PWWP2A: variants seen among roughly 807,000 people sequenced by gnomAD.
PWWP2A encodes PWWP domain containing 2A, also known as PWWP domain-containing protein 2A.
A neutral mutation model predicts 48.5 loss-of-function variants in PWWP2A; 18 were observed. The observed-to-expected ratio is 0.37, with a 90% CI of 0.26 to 0.55. The LOEUF (loss-of-function observed/expected upper bound fraction) is 0.55, where lower values mean the gene tolerates loss of function less well. Among genes scored for constraint, PWWP2A ranks in the 20% least tolerant of loss-of-function variants. The probability of loss-of-function intolerance (pLI) is 0.81; values close to 1 mark genes in which losing one functional copy is unlikely to be tolerated. For missense variants in PWWP2A, 867 were observed against 976.4 expected (o/e 0.89, Z 1.49); for synonymous variants, 396 against 387.7 (o/e 1.02, Z -0.25).
Position 160,082,034 on chromosome 5 carries a change from T to C in PWWP2A, c.1550-1264A>G, listed in dbSNP as rs1343464895. Among the ~76,000 whole-genome samples the C allele has an allele frequency of 2.6e-5, 4 of 152,324 alleles. No individual in the cohort carries two copies. The East Asian group carries it at 7.7e-4, about 29-fold the overall frequency. On this transcript the variant is annotated intron_variant, in intron 2 of 3. Transcript: ENST00000456329. ...TGAATTTTAACTTGGGAAAATAATT[T>C]TTTAGGGTGAGATTTAATAATGAGG... is the stretch of plus-strand genomic sequence containing the variant.
chr5:160,056,544 C>A, the PWWP2A span, among the ~76,000 whole-genome samples: 1 of 152,056 alleles, frequency 6.6e-6, no homozygotes, highest in East Asian at 1.9e-4. Context: ...GGCAGCATAG[C>A]AAGACCCTGT....
intron 5 of PWWP2A, among the ~76,000 whole-genome samples, chr5:160,062,948 A>ATGTGCCCGAGGCTGTGCCGCTGCCT (rs1753469669): frequency 1.3e-5 from 2 of 151,924 alleles, no homozygotes; most frequent in African/African-American, 4.8e-5. Context: ...CTCTACGCCC[A>ATGTGCCCGAGGCTGTGCCGCTGCCT]TGTGCCCGAG....
chr5:160,112,535 T>C (rs539260760), intron 1 of PWWP2A, among the ~76,000 whole-genome samples: 4 of 152,180 alleles, frequency 2.6e-5, no homozygotes, highest in African/African-American at 9.6e-5. Context: ...CATCCAGTGT[T>C]AAGTAAATAC....
At chr5:160,059,485 G>C (rs1008512700), downstream of PWWP2A, among the ~76,000 whole-genome samples, 1 of 152,190 alleles carries the variant, frequency 6.6e-6, no homozygotes, top group African/African-American at 2.4e-5. Context: ...AAGCAATAAG[G>C]CTGTTTTGCT....
chr5:160,063,441 C>G (rs924819382), intron 5 of PWWP2A: 1 of 152,832 alleles, frequency 6.5e-6, no homozygotes, highest in Non-Finnish European at 1.5e-5. Flanking sequence ...TCTCAAACTC[C>G]TAGGCTCACA....
At chr5:160,080,854 A>T in intron 2 of PWWP2A, 1 of 1,259,882 alleles carries the variant, frequency 7.9e-7, no homozygotes, top group South Asian at 1.6e-5. Flanking sequence ...TAGTTTTAAA[A>T]TAAGACCAAA....
At chr5:160,115,974 TA>T (rs879647688) in intron 1 of PWWP2A, among the ~76,000 whole-genome samples, 75 of 144,876 alleles carry the variant, frequency 5.2e-4, no homozygotes, top group Middle Eastern at 3.6e-3. Flanking sequence ...GATTAAACTG[TA>T]AAAAAAAAAA....
rs1289665743 is a variant in PWWP2A, at chr5:160,092,204, A to G, written c.*178T>C. 3.0e-6 allele frequency: 4 copies of G among 1,329,188 alleles called. No homozygotes were observed. The highest frequency in any genetic ancestry group is 5.0e-5 in the South Asian group (2 of 40,212). The allele number at this position is 1,329,188 out of a possible 1,614,324, so 82.3% of individuals were successfully genotyped here. On this transcript the variant is annotated 3_prime_UTR_variant, in exon 2 of 2. Coordinates refer to ENST00000307063, the MANE Select transcript of PWWP2A (RefSeq NM_001130864.2). The stretch of plus-strand genomic sequence containing the variant: ...CACTTCCTTAACACAAAATTTGATT[A>G]TATGTTCAGTTTAAGCTCTCAGTCT...
In PWWP2A at chr5:160,062,815, T is replaced by C. The variant is rs573061135; in HGVS notation, c.*369-722A>G. Among the ~76,000 whole-genome samples, 111 of 152,208 alleles carry C rather than the reference T, an allele frequency of 7.3e-4. 1 individual carries two copies. The highest frequency in any genetic ancestry group is 1.4e-3 in the Non-Finnish European group (94 of 67,984). ...TTGGGCTGCTTTTGATGGTTTTTTT[T>C]TTCCCCCTTCCTGTCCTCTTTTTCC... On this transcript the variant is annotated intron_variant and NMD_transcript_variant, in intron 5 of 5. Coordinates refer to the PWWP2A transcript ENST00000524050.
intron 1 of PWWP2A, among the ~76,000 whole-genome samples, chr5:160,104,010 T>C (rs1756585751): frequency 6.8e-6 from 1 of 147,522 alleles, no homozygotes; most frequent in Non-Finnish European, 1.5e-5. Flanking sequence ...CATAATCCCA[T>C]CTACTCAGGA....
Position 160,079,082 on chromosome 5 carries a change from G to A in PWWP2A, c.1670-914C>T, listed in dbSNP as rs147642731. 1.8e-4 allele frequency among the ~76,000 whole-genome samples: 27 copies of A among 152,116 alleles called. 1 individual carries two copies. The highest frequency in any genetic ancestry group is 5.1e-4 in the African/African-American group (21 of 41,484). ...GTTTGAGTTCCAAAAGAGATGATCCGTGGAAAGAAAGATGAATTTTTGGTC... is the reference window on the plus strand; with the variant it reads ...GTTTGAGTTCCAAAAGAGATGATCCATGGAAAGAAAGATGAATTTTTGGTC... On this transcript the variant is annotated intron_variant, in intron 3 of 3. Transcript: ENST00000456329.
rs763046063 is a variant in PWWP2A at position 160,078,492 on chromosome 5, T to C, written c.1670-324A>G. Among the ~76,000 whole-genome samples the C allele has an allele frequency of 6.6e-6, 1 of 152,220 alleles. No individual in the cohort carries two copies. The highest frequency in any genetic ancestry group is 1.5e-5 in the Non-Finnish European group (1 of 68,038). Reference sequence around the variant, plus strand: ...TATAAATGCCTAGTAACAGGGGAATTTTAACTTTGTTCCTTATATCGCCAT... The same window carrying C: ...TATAAATGCCTAGTAACAGGGGAATCTTAACTTTGTTCCTTATATCGCCAT... On this transcript the variant is annotated intron_variant, in intron 3 of 3. Coordinates refer to the PWWP2A transcript ENST00000456329. This position sits in a 1 kb window ranked among gnomAD's most constrained non-coding sequence, Gnocchi z 4.2.
At chr5:160,069,044 T>G (rs1331478422) in intron 2 of PWWP2A, among the ~76,000 whole-genome samples, 3 of 151,984 alleles carry the variant, frequency 2.0e-5, no homozygotes, top group Non-Finnish European at 4.4e-5. Context: ...CCTAGCACTT[T>G]GGGAGGCTGA....
chr5:160,091,669 A>AT lies in PWWP2A; in HGVS notation c.*712dup. The AT allele has an allele frequency of 1.0e-6, 1 of 985,300 alleles. No individual in the cohort carries two copies. Among genetic ancestry groups the AT allele is most frequent in the South Asian group, 4.7e-5 (1 of 21,280 alleles). 61.0% of individuals were successfully genotyped at this position (985,300 alleles called of 1,614,324 possible). On this transcript the variant is annotated 3_prime_UTR_variant, in exon 2 of 2. Transcript: ENST00000307063. ...ACTCCCAAACCAGAAGCTTGAAAGT[A>AT]TTTATTAAATCCCCACTGGACGAAA...
the PWWP2A span, among the ~76,000 whole-genome samples, chr5:160,055,812 G>A: frequency 6.6e-6 from 1 of 152,242 alleles, no homozygotes; most frequent in Non-Finnish European, 1.5e-5. Flanking sequence ...AGCAGCCATG[G>A]CACTGAGTTT....
chr5:160,084,065 T>C (rs890159335), intron 2 of PWWP2A, among the ~76,000 whole-genome samples: 1 of 152,252 alleles, frequency 6.6e-6, no homozygotes, highest in Non-Finnish European at 1.5e-5. Flanking sequence ...TGAGTATATG[T>C]TGCAGAATGA....
Position 160,080,657 on chromosome 5 carries a change from GT to G in PWWP2A, c.1662del (p.Lys554AsnfsTer29). On this transcript the variant is annotated frameshift_variant, in exon 3 of 4. Transcript: ENST00000456329. LOFTEE classifies it high-confidence loss of function. ...GGGCTTAAAACAGACAGACCTGCCC[GT>G]TTCACTGTTAACTTCAATGCTCCCA... The G allele has an allele frequency of 6.5e-7, 1 of 1,549,532 alleles. No homozygotes were observed. The highest frequency in any genetic ancestry group is 8.8e-7 in the Non-Finnish European group (1 of 1,142,688).
chr5:160,078,218 T>C lies in PWWP2A; in HGVS notation c.1670-50A>G. 7.1e-7 allele frequency: 1 copy of C among 1,412,254 alleles called. No homozygotes were observed. The highest frequency in any genetic ancestry group is 1.7e-4 in the Middle Eastern group (1 of 5,734). 87.5% of individuals were successfully genotyped at this position (1,412,254 alleles called of 1,614,324 possible). ...GAAAATGTCGTTAAGCACAAGTAAT[T>C]ATATGAGGAAAATGATGTCCTTGTT... On this transcript the variant is annotated intron_variant, in intron 3 of 3. Coordinates refer to the PWWP2A transcript ENST00000456329. The surrounding 1 kb of genome is among the most constrained non-coding windows in gnomAD (Gnocchi z 4.2).
chr5:160,109,771 AAAAATATATATATATATATAT>A (rs1440268516), intron 1 of PWWP2A, among the ~76,000 whole-genome samples: 4 of 45,020 alleles, frequency 8.9e-5, no homozygotes, highest in African/African-American at 3.5e-4. Context: ...AAAAAAAAAA[AAAAATATATATATATATATAT>A]ATATATATAT....
Sources: allele counts gnomAD v4.1 joint callset (sites outside exome capture counted in the v4.1 genomes callset), GRCh38; gene constraint gnomAD v4.1.1; non-coding constraint Gnocchi (gnomAD v3.1); transcripts MANE v1.5; gene names NCBI Gene and HGNC (gene_info 2026-07-23, HGNC 2026-07-21).